The following RPTOR variants were observed in gnomAD, a reference collection of about 807,000 sequenced individuals.
The protein encoded by RPTOR is regulatory associated protein of MTOR complex 1.
A neutral mutation model predicts 169.9 loss-of-function variants in RPTOR; 21 were observed. The ratio of observed to expected loss-of-function variants is 0.12; its 90% confidence interval spans 0.09 to 0.18. The LOEUF (loss-of-function observed/expected upper bound fraction) is 0.18. Ranked by LOEUF, RPTOR falls within the 10% of genes least tolerant of loss-of-function variation. RPTOR has a pLI of 1.00. For missense variants in RPTOR, 1,133 were observed against 1,855.9 expected, an observed-to-expected ratio of 0.61 and a Z score of 7.16; for synonymous variants, 732 against 753.2, an observed-to-expected ratio of 0.97 and a Z score of 0.46.
chr17:80,673,996 TC>T (rs557485893), intron 3 of RPTOR, among the ~76,000 whole-genome samples: 8 of 152,246 alleles, frequency 5.3e-5, no homozygotes, highest in Non-Finnish European at 8.8e-5. Flanking sequence ...ATCTTGGCCC[TC>T]CTTAAAATTA....
At chr17:80,944,871 A>G (rs545915971) in intron 25 of RPTOR, among the ~76,000 whole-genome samples, 18 of 151,958 alleles carry the variant, frequency 1.2e-4, no homozygotes, top group Non-Finnish European at 2.2e-4. Flanking sequence ...GATGCCTGTA[A>G]TCCCAGCGAC....
intron 9 of RPTOR, among the ~76,000 whole-genome samples, chr17:80,828,578 C>G (rs527675324): frequency 6.6e-6 from 1 of 152,372 alleles, no homozygotes; most frequent in East Asian, 1.9e-4. Context: ...ACGGCCTTTA[C>G]AGTGCTGGCC....
chr17:80,704,492 G>A (rs1309969350), intron 3 of RPTOR, among the ~76,000 whole-genome samples: 2 of 152,208 alleles, frequency 1.3e-5, no homozygotes, highest in African/African-American at 4.8e-5. Context: ...AGATAGCAAA[G>A]CAGAAAGGAT....
At chr17:80,631,059 G>C (rs1033834716) in intron 2 of RPTOR, among the ~76,000 whole-genome samples, 1 of 152,162 alleles carries the variant, frequency 6.6e-6, no homozygotes, top group Non-Finnish European at 1.5e-5. Context: ...TGCCCAGGGC[G>C]TGTTCTGCTC....
Position 80,545,559 on chromosome 17 carries a change from C to A in RPTOR, c.-71C>A. 1 of 1,169,368 alleles carries A rather than the reference C, an allele frequency of 8.6e-7. No individual in the cohort carries two copies. The highest frequency in any genetic ancestry group is 1.4e-5 in the South Asian group (1 of 70,938). The allele number at this position is 1,169,368 out of a possible 1,614,324, so 72.4% of individuals were successfully genotyped here. Reference sequence around the variant, plus strand: ...GTTTCTTATTTCACCAATTCTGGTACACGCTAGTTTTTAAGGCTGGAGGTT... The same window carrying A: ...GTTTCTTATTTCACCAATTCTGGTAAACGCTAGTTTTTAAGGCTGGAGGTT... On this transcript the variant is annotated 5_prime_UTR_variant, in exon 1 of 34. Coordinates refer to ENST00000306801, the MANE Select transcript of RPTOR (RefSeq NM_020761.3).
At position 80,778,158 on chromosome 17, in the gene RPTOR, C is replaced by T. The variant is rs143369468; in HGVS notation, c.831-13292C>T. On this transcript the variant is annotated intron_variant, in intron 6 of 33. Transcript: ENST00000306801. The stretch of plus-strand genomic sequence containing the variant: ...TACCAACATTACTTTAAAATCACAC[C>T]GAGTCACTCTTTCTGTGCCGCAAGG... Among the ~76,000 whole-genome samples, 90 of 152,248 alleles carry T rather than the reference C, an allele frequency of 5.9e-4. 1 individual carries two copies. The highest frequency in any genetic ancestry group is 6.9e-4 in the Non-Finnish European group (47 of 68,028).
intron 3 of RPTOR, among the ~76,000 whole-genome samples, chr17:80,652,550 G>A (rs918549931): frequency 6.6e-6 from 1 of 152,174 alleles, no homozygotes; most frequent in Non-Finnish European, 1.5e-5. Flanking sequence ...GGCTGGTCTT[G>A]AACCCCTGGC....
intron 28 of RPTOR, among the ~76,000 whole-genome samples, chr17:80,950,322 G>A (rs1260867065): frequency 1.3e-5 from 2 of 152,118 alleles, no homozygotes; most frequent in African/African-American, 4.8e-5. Context: ...TGTGGCCTGT[G>A]GATGTGGCCT....
In RPTOR at chr17:80,922,926, G is replaced by C. The variant is rs546046437; in HGVS notation, c.2624+99G>C. 2.9e-6 allele frequency: 3 copies of C among 1,018,144 alleles called. No homozygotes were observed. In the African/African-American group the frequency reaches 4.8e-5, roughly 16 times the overall value. The allele number at this position is 1,018,144 out of a possible 1,614,324, so 63.1% of individuals were successfully genotyped here. A position where few individuals can be genotyped will look rare whatever the true frequency, so the allele number is the denominator to read the frequency against. ...GGCCTCCCCATCCTCCTCCTTCCCC[G>C]CCCTGTCTTGGCTTCGTCTCCTCCC... On this transcript the variant is annotated intron_variant, in intron 22 of 33. Coordinates refer to ENST00000306801, the MANE Select transcript of RPTOR (RefSeq NM_020761.3).
intron 22 of RPTOR, among the ~76,000 whole-genome samples, chr17:80,923,047 C>G (rs957614417): frequency 4.6e-5 from 7 of 152,186 alleles, no homozygotes; most frequent in South Asian, 4.2e-4. Flanking sequence ...CTTGAGGAAC[C>G]CTTCATGTGC....
chr17:80,893,903 C>T (rs749206905), intron 20 of RPTOR, 38 bp downstream of exon 20: 21 of 1,503,168 alleles, frequency 1.4e-5, no homozygotes, highest in Non-Finnish European at 1.8e-5. Context: ...CGAGGGGCCC[C>T]GAGGGTCTCC....
In RPTOR at chr17:80,746,486, C is replaced by G. The variant is rs1343420484; in HGVS notation, c.655-7524C>G. The stretch of plus-strand genomic sequence containing the variant: ...AATGCAGCAGATGTCTTTTTTGGAT[C>G]CGGTTGCTGTGTATCGCATCGCAAG... On this transcript the variant is annotated intron_variant, in intron 5 of 33. Coordinates refer to ENST00000306801, the MANE Select transcript of RPTOR (RefSeq NM_020761.3). This position sits in a 1 kb window ranked among gnomAD's most constrained non-coding sequence, Gnocchi z 4.5. Among the ~76,000 whole-genome samples the G allele has an allele frequency of 6.6e-6, 1 of 152,192 alleles. No homozygotes were observed. Among genetic ancestry groups the G allele is most frequent in the African/African-American group, 2.4e-5 (1 of 41,454 alleles).
At chr17:80,718,606 G>A (rs1035235608) in intron 4 of RPTOR, among the ~76,000 whole-genome samples, 1 of 152,212 alleles carries the variant, frequency 6.6e-6, no homozygotes, top group African/African-American at 2.4e-5. Context: ...TGCTCGGGCT[G>A]AGTCTTACAG....
intron 1 of RPTOR, among the ~76,000 whole-genome samples, chr17:80,590,480 G>T (rs1369528840): frequency 6.6e-6 from 1 of 150,424 alleles, no homozygotes; most frequent in Admixed American, 6.6e-5. Flanking sequence ...AGGCATGCAG[G>T]TATGCGCACA....
intron 1 of RPTOR, chr17:80,593,348 G>A (rs941181731): frequency 3.9e-5 from 6 of 154,860 alleles, no homozygotes; most frequent in Non-Finnish European, 8.8e-5. Context: ...TGTGTTTGAT[G>A]CTGCAGAAGA....
intron 4 of RPTOR, among the ~76,000 whole-genome samples, chr17:80,712,137 C>A (rs2066199409): frequency 6.6e-6 from 1 of 152,178 alleles, no homozygotes; most frequent in East Asian, 1.9e-4. Context: ...TACTTCCTTC[C>A]CCTCATTTTC....
At chr17:80,895,202 C>G (rs886870632) in intron 20 of RPTOR, among the ~76,000 whole-genome samples, 1 of 152,198 alleles carries the variant, frequency 6.6e-6, no homozygotes, top group African/African-American at 2.4e-5. Flanking sequence ...TGCTGGGCCC[C>G]AGCCTACCCG....
chr17:80,611,087 A>C (rs111880626), intron 1 of RPTOR, among the ~76,000 whole-genome samples: 4,793 of 152,236 alleles, frequency 0.031, 273 homozygotes, highest in African/African-American at 0.11. Context: ...GATTGCCTCC[A>C]AATCTTTATT....
At chr17:80,556,562 T>A (rs960371227) in intron 1 of RPTOR, among the ~76,000 whole-genome samples, 1 of 152,054 alleles carries the variant, frequency 6.6e-6, no homozygotes, top group African/African-American at 2.4e-5. Context: ...AAGAGGCGGC[T>A]GCAGTAGGAA....
Sources: gnomAD v4.1 joint callset for allele counts (sites outside exome capture counted in the v4.1 genomes callset) on GRCh38, gnomAD v4.1.1 for gene constraint, Gnocchi (gnomAD v3.1) non-coding constraint, MANE v1.5 for transcripts, NCBI Gene and HGNC (gene_info 2026-07-23, HGNC 2026-07-21) for gene names.